ELP1: variants seen among roughly 807,000 people sequenced by gnomAD.
The protein encoded by ELP1 is elongator acetyltransferase complex subunit 1, also known as elongator complex protein 1.
ELP1 carries 131 observed loss-of-function variants against 183.2 expected under a neutral mutation model. That is an observed-to-expected ratio of 0.72 (90% CI 0.62 to 0.83). The LOEUF (loss-of-function observed/expected upper bound fraction) is 0.83. ELP1 is among the 40% of genes least tolerant of loss of function. ELP1 has a pLI of 0.00. For synonymous variants in ELP1, 555 were observed against 569.0 expected (o/e 0.98, Z 0.35); for missense variants, 1,550 against 1,594.9 (o/e 0.97, Z 0.48).
intron 12 of ELP1, 56 bp downstream of exon 12, chr9:108,910,954 T>C (rs1829193492): frequency 6.5e-7 from 1 of 1,535,002 alleles, no homozygotes; most frequent in Non-Finnish European, 9.0e-7. Flanking sequence ...TTTGCTTTTA[T>C]GTAGGAGTAG....
chr9:108,868,783 T>C lies in ELP1; in HGVS notation c.*332A>G. 1 of 573,776 alleles carries C rather than the reference T, an allele frequency of 1.7e-6. No homozygotes were observed. Among genetic ancestry groups the C allele is most frequent in the Non-Finnish European group, 3.1e-6 (1 of 324,308 alleles). The allele number at this position is 573,776 out of a possible 1,614,324, so 35.5% of individuals were successfully genotyped here. On this transcript the variant is annotated 3_prime_UTR_variant, in exon 37 of 37. Coordinates refer to ENST00000374647, the MANE Select transcript of ELP1 (RefSeq NM_003640.5). ...CAATTTAGAAACATTGTTTTACTTG[T>C]CTTCACACTTTGGAGGTAGAAATCA...
In ELP1 at chr9:108,868,620, G is replaced by A. The variant is rs1439987358; in HGVS notation, c.*495C>T. 4 of 450,826 alleles carry A rather than the reference G, an allele frequency of 8.9e-6. No homozygotes were observed. Among genetic ancestry groups the A allele is most frequent in the Non-Finnish European group, 1.5e-5 (4 of 258,198 alleles). 27.9% of individuals were successfully genotyped at this position (450,826 alleles called of 1,614,324 possible). A position where few individuals can be genotyped will look rare whatever the true frequency, so the allele number is the denominator to read the frequency against. On this transcript the variant is annotated 3_prime_UTR_variant, in exon 37 of 37. Coordinates refer to ENST00000374647, the MANE Select transcript of ELP1 (RefSeq NM_003640.5). The stretch of plus-strand genomic sequence containing the variant: ...AGATGTTACAAAATAATAGCTGTCA[G>A]CAAAGGAGGGCTTATAATTTCAAAG...
Position 108,930,583 on chromosome 9 carries a change from G to C in ELP1, c.150+414C>G, listed in dbSNP as rs372303295. On this transcript the variant is annotated intron_variant, in intron 2 of 36. Coordinates refer to ENST00000374647, the MANE Select transcript of ELP1 (RefSeq NM_003640.5). The stretch of plus-strand genomic sequence containing the variant: ...CGGGCGCCTGTAGTCCCAGCTTCTC[G>C]GGAGGCTGAGGCAGGAGAATGGTGT... 2.6e-4 allele frequency among the ~76,000 whole-genome samples: 40 copies of C among 151,954 alleles called. 1 individual carries two copies. Among genetic ancestry groups the C allele is most frequent in the Non-Finnish European group, 3.7e-4 (25 of 67,972 alleles).
chr9:108,889,228 T>C, intron 29 of ELP1, 104 bp downstream of exon 29: 1 of 1,093,630 alleles, frequency 9.1e-7, no homozygotes, highest in Non-Finnish European at 1.4e-6. Flanking sequence ...ATCTCTGGAC[T>C]TAACAATTAT....
intron 32 of ELP1, among the ~76,000 whole-genome samples, chr9:108,879,836 T>C (rs892793149): frequency 5.3e-5 from 8 of 152,204 alleles, no homozygotes; most frequent in African/African-American, 1.9e-4. Flanking sequence ...TAGGTGGGAA[T>C]GTCTGGCAGA....
chr9:108,910,901 A>G (rs900790613), intron 12 of ELP1, 109 bp downstream of exon 12: 1 of 961,464 alleles, frequency 1.0e-6, no homozygotes, highest in East Asian at 2.5e-5. Context: ...GCAGACTTAA[A>G]AATTTTGAGA....
chr9:108,929,959 T>C (rs367771829), intron 2 of ELP1, 38 bp from the exon 3 acceptor site: 2 of 1,604,588 alleles, frequency 1.2e-6, no homozygotes, highest in African/African-American at 2.7e-5. Flanking sequence ...TAACCCAGTC[T>C]ACTTTCAAGA....
At chr9:108,903,779 T>C in intron 14 of ELP1, 110 bp from the exon 15 acceptor site, 3 of 748,748 alleles carry the variant, frequency 4.0e-6, no homozygotes, top group Non-Finnish European at 7.2e-6. Flanking sequence ...CACTACCTAC[T>C]TCAATACAAT....
At chr9:108,882,319 T>C (rs1164231276) in intron 29 of ELP1, 132 bp from the exon 30 acceptor site, 2 of 701,588 alleles carry the variant, frequency 2.9e-6, no homozygotes, top group Non-Finnish European at 5.1e-6. Context: ...CTCAACATCA[T>C]GCCTATCCTA....
rs528740327 is a variant in ELP1 at position 108,891,327 on chromosome 9, G to A, written c.3036C>T (p.Cys1012=). 6.8e-6 allele frequency: 11 copies of A among 1,614,112 alleles called. No individual in the cohort carries two copies. The highest frequency in any genetic ancestry group is 1.7e-4 in the Middle Eastern group (1 of 6,054). ...YEPAGLMFAR[C]GAHEKALSAF... ...CTGAGAGAGCTTTCTCGTGGGCACC[G>A]CAACGGGCAAACATGAGCCCCGCTG... Residue 1012 remains cysteine, a synonymous_variant, in exon 28 of 37, where the codon TGC becomes TGT. Coordinates refer to ENST00000374647, the MANE Select transcript of ELP1 (RefSeq NM_003640.5).
intron 35 of ELP1, among the ~76,000 whole-genome samples, chr9:108,877,053 C>T (rs898007944): frequency 2.6e-5 from 4 of 152,300 alleles, no homozygotes; most frequent in African/African-American, 9.6e-5. Context: ...GGCTTTTCCC[C>T]CAGCAGCAGC....
intron 20 of ELP1, among the ~76,000 whole-genome samples, 153 bp downstream of exon 20, chr9:108,899,667 TAA>T (rs369301164): frequency 2.2e-5 from 3 of 138,592 alleles, no homozygotes; most frequent in African/African-American, 2.6e-5. Context: ...GTAAAAAAGT[TAA>T]AAAAAAAAAA....
At chr9:108,933,460 C>G (rs1292848380) in intron 1 of ELP1, among the ~76,000 whole-genome samples, 1 of 152,208 alleles carries the variant, frequency 6.6e-6, no homozygotes, top group Non-Finnish European at 1.5e-5. Context: ...TAAAACACCA[C>G]GTTAGATGGA....
At chr9:108,920,596 G>C (rs1829609766) in intron 6 of ELP1, among the ~76,000 whole-genome samples, 1 of 151,122 alleles carries the variant, frequency 6.6e-6, no homozygotes, top group Non-Finnish European at 1.5e-5. Flanking sequence ...GCAACCTCTT[G>C]AATCAGTGTT....
chr9:108,919,320 A>G lies in ELP1; in HGVS notation c.582T>C (p.His194=), dbSNP rs563416852. Residue 194 remains histidine (H), a synonymous_variant, in exon 7 of 37, where the codon CAT becomes CAC. Coordinates refer to ENST00000374647, the MANE Select transcript of ELP1 (RefSeq NM_003640.5). The part of the protein sequence containing the change: ...MHESALPWDD[H]RPQVTWRGDG... The stretch of plus-strand genomic sequence containing the variant: ...CCCCCCGCCAGGTAACTTGTGGTCT[A>G]TGGTCATCCCAGGGCAAAGCAGACT... 6.2e-7 allele frequency: 1 copy of G among 1,613,916 alleles called. No individual in the cohort carries two copies. Among genetic ancestry groups the G allele is most frequent in the African/African-American group, 1.3e-5 (1 of 75,024 alleles).
Position 108,898,704 on chromosome 9 carries a change from G to C in ELP1, c.2250C>G (p.Ile750Met). ...TATGATCATAAATCAGATTGAGATTGATTCTCAGCTTTCTCATGCATTCAA... is the reference window on the plus strand; with the variant it reads ...TATGATCATAAATCAGATTGAGATTCATTCTCAGCTTTCTCATGCATTCAA... ...EAFECMRKLRINLNLIYDHNP... is the reference protein window; with the variant it reads ...EAFECMRKLRMNLNLIYDHNP... Residue 750 changes from isoleucine (I) to methionine (M), a missense_variant, in exon 21 of 37, where the codon ATC (isoleucine) becomes ATG (methionine). Coordinates refer to ENST00000374647, the MANE Select transcript of ELP1 (RefSeq NM_003640.5). 6.2e-7 allele frequency: 1 copy of C among 1,612,828 alleles called. No homozygotes were observed. Among genetic ancestry groups the C allele is most frequent in the Non-Finnish European group, 8.5e-7 (1 of 1,179,276 alleles).
At chr9:108,925,653 C>T (rs772299713) in intron 5 of ELP1, among the ~76,000 whole-genome samples, 2 of 152,186 alleles carry the variant, frequency 1.3e-5, no homozygotes, top group Non-Finnish European at 2.9e-5. Context: ...GTTTCCTTCC[C>T]TTATGCTACC....
chr9:108,917,271 C>T (rs1829472886), intron 9 of ELP1, among the ~76,000 whole-genome samples: 1 of 152,104 alleles, frequency 6.6e-6, no homozygotes, highest in East Asian at 1.9e-4. Context: ...GGTTTGAGAC[C>T]AGCCTGACCA....
Position 108,906,413 on chromosome 9 carries a change from T to C in ELP1, c.1533A>G (p.Glu511=). The change falls in exon 14 of 37, where the codon GAA becomes GAG. Residue 511 remains glutamate (E), a synonymous_variant. Coordinates refer to ENST00000374647, the MANE Select transcript of ELP1 (RefSeq NM_003640.5). The part of the protein sequence containing the change: ...LKLGLLTWIE[E]DVFLAVSHSE... ...TGTGGCTTACAGCCAGGAAGACGTC[T>C]TCTTCAATCCAAGTGAGAAGGCCTA... 1 of 1,614,132 alleles carries C rather than the reference T, an allele frequency of 6.2e-7. No homozygotes were observed. The highest frequency in any genetic ancestry group is 1.1e-5 in the South Asian group (1 of 91,082).
Sources: allele counts gnomAD v4.1 joint callset (sites outside exome capture counted in the v4.1 genomes callset), GRCh38; gene constraint gnomAD v4.1.1; transcripts MANE v1.5; gene names NCBI Gene and HGNC (gene_info 2026-07-23, HGNC 2026-07-21).